The following SERPINB5 variants were observed in gnomAD, a reference collection of about 807,000 sequenced individuals.
SERPINB5 encodes serpin family B member 5, also known as serpin B5.
SERPINB5 carries 27 observed loss-of-function variants against 32.2 expected under a neutral mutation model. That is an observed-to-expected ratio of 0.84 (90% CI 0.62 to 1.16). SERPINB5 has a LOEUF of 1.16. SERPINB5 is among the 50% of genes most tolerant of loss of function. SERPINB5 has a pLI of 0.00. For missense variants in SERPINB5, 388 were observed against 436.3 expected (o/e 0.89, Z 0.99); for synonymous variants, 154 against 157.4 (o/e 0.98, Z 0.16).
intron 3 of SERPINB5, among the ~76,000 whole-genome samples, chr18:63,487,695 T>C (rs564424053): frequency 6.6e-6 from 1 of 152,312 alleles, no homozygotes; most frequent in African/African-American, 2.4e-5. Flanking sequence ...ACCACTACGG[T>C]ACCCATTGTT....
At chr18:63,496,588 G>A (rs797020612) in intron 5 of SERPINB5, among the ~76,000 whole-genome samples, 6 of 152,236 alleles carry the variant, frequency 3.9e-5, no homozygotes, top group African/African-American at 1.4e-4. Context: ...AATAAATAAC[G>A]TTTAGCTCTG....
chr18:63,499,021 A>ATG (rs1357148734), intron 5 of SERPINB5, 99 bp from the exon 6 acceptor site: 206 of 483,184 alleles, frequency 4.3e-4, no homozygotes, highest in Middle Eastern at 1.9e-3. Context: ...GTGGGTATAT[A>ATG]TGTGTGTGTG....
Position 63,498,805 on chromosome 18 carries a change from G to A in SERPINB5, c.568-315G>A, listed in dbSNP as rs1444920085. On this transcript the variant is annotated intron_variant, in intron 5 of 6. Coordinates refer to ENST00000382771, the MANE Select transcript of SERPINB5 (RefSeq NM_002639.5). This position sits in a 1 kb window ranked among gnomAD's most constrained non-coding sequence, Gnocchi z 4.2. ...TGTTTGCCTATATATGTGTATATAT[G>A]TGCATGTGTGTATATATGTATGGGG... Among the ~76,000 whole-genome samples the A allele has an allele frequency of 6.6e-6, 1 of 150,652 alleles. No homozygotes were observed. The highest frequency in any genetic ancestry group is 1.5e-5 in the Non-Finnish European group (1 of 67,754).
chr18:63,488,623 C>T (rs9945867), intron 3 of SERPINB5, among the ~76,000 whole-genome samples: 37 of 152,242 alleles, frequency 2.4e-4, no homozygotes, highest in African/African-American at 8.4e-4. Context: ...AGGGCAAGTT[C>T]TTCAGGCCCT....
Position 63,481,542 on chromosome 18 carries a change from T to G in SERPINB5, c.-7-2880T>G, listed in dbSNP as rs143967753. 7.2e-4 allele frequency among the ~76,000 whole-genome samples: 109 copies of G among 152,368 alleles called. No homozygotes were observed. The East Asian group carries it at 0.011, about 15-fold the overall frequency. On this transcript the variant is annotated intron_variant, in intron 1 of 6. Transcript: ENST00000382771. ...GCGATTAGCTCTCCACTGGTGGAAGTGTTAAGAAGCTTTCAGGGATCTGGG... is the reference window on the plus strand; with the variant it reads ...GCGATTAGCTCTCCACTGGTGGAAGGGTTAAGAAGCTTTCAGGGATCTGGG...
chr18:63,492,597 T>C (rs116045124), intron 4 of SERPINB5, among the ~76,000 whole-genome samples: 1,829 of 152,356 alleles, frequency 0.012, 31 homozygotes, highest in African/African-American at 0.041. Context: ...TTATCATCGC[T>C]GAGTCTCAGC....
chr18:63,489,167 A>G (rs1193157156), intron 3 of SERPINB5, among the ~76,000 whole-genome samples, 180 bp from the exon 4 acceptor site: 1 of 152,258 alleles, frequency 6.6e-6, no homozygotes, highest in Non-Finnish European at 1.5e-5. Flanking sequence ...ATTGAAAAAA[A>G]TGAAACATTC....
At position 63,489,480 on chromosome 18, in the gene SERPINB5, T is replaced by C; in HGVS notation, c.424+16T>C. 2 of 1,437,040 alleles carry C rather than the reference T, an allele frequency of 1.4e-6. No homozygotes were observed. The highest frequency in any genetic ancestry group is 2.0e-6 in the Non-Finnish European group (2 of 1,023,826). The allele number at this position is 1,437,040 out of a possible 1,614,324, so 89.0% of individuals were successfully genotyped here. ...CTCACAGATGGCAAGTACCCTTTAA[T>C]TGTTCTGCTATCAATCACCAAGTAA... On this transcript the variant is annotated intron_variant, in intron 4 of 6. Transcript: ENST00000382771.
intron 5 of SERPINB5, among the ~76,000 whole-genome samples, chr18:63,494,586 ACTTAG>A (rs1909410405): frequency 6.6e-6 from 1 of 152,186 alleles, no homozygotes; most frequent in South Asian, 2.1e-4. Context: ...TAGTTAGAGT[ACTTAG>A]CATCAATATC....
chr18:63,503,488 T>A lies in SERPINB5; in HGVS notation c.894T>A (p.Ser298Arg). 1 of 1,613,916 alleles carries A rather than the reference T, an allele frequency of 6.2e-7. No homozygotes were observed. The highest frequency in any genetic ancestry group is 8.5e-7 in the Non-Finnish European group (1 of 1,179,964). ...LENLGLKHIF[S>R]EDTSDFSGMS... ...ATCTAGGGCTGAAACATATCTTCAG[T>A]GAAGACACATCTGATTTCTCTGGAA... The change falls in exon 7 of 7, where the codon AGT (serine) becomes AGA (arginine). Residue 298 changes from serine to arginine, a missense_variant. Transcript: ENST00000382771.
At chr18:63,497,493 G>C in intron 5 of SERPINB5, 3 of 227,178 alleles carry the variant, frequency 1.3e-5, no homozygotes, top group Admixed American at 6.4e-5. Flanking sequence ...TGAACACAAC[G>C]TTTCTGAAAA....
In SERPINB5 at chr18:63,484,614, G is replaced by C; in HGVS notation, c.168+18G>C. ...TTGGACAGGTAAGCCCCAAAACCTT[G>C]TTTCTACTTTAAGTGGGAATACAGT... On this transcript the variant is annotated intron_variant, in intron 2 of 6. Transcript: ENST00000382771. 1 of 1,604,146 alleles carries C rather than the reference G, an allele frequency of 6.2e-7. No homozygotes were observed. The highest frequency in any genetic ancestry group is 1.1e-5 in the South Asian group (1 of 89,326).
At chr18:63,486,864 G>T in intron 2 of SERPINB5, 82 bp from the exon 3 acceptor site, 1 of 1,449,606 alleles carries the variant, frequency 6.9e-7, no homozygotes, top group Non-Finnish European at 9.5e-7. Flanking sequence ...GCCCAAGGAC[G>T]TTGGTCATTA....
chr18:63,497,499 G>GAAAAAAAAAAAAAAAAAAAAAAAAAAA, intron 5 of SERPINB5: 1 of 217,044 alleles, frequency 4.6e-6, no homozygotes. Flanking sequence ...CAACGTTTCT[G>GAAAAAAAAAAAAAAAAAAAAAAAAAAA]AAAAAAAAAA....
chr18:63,485,652 G>A (rs77096553), intron 2 of SERPINB5: 1,758 of 152,316 alleles, frequency 0.012, 27 homozygotes, highest in Non-Finnish European at 0.016. Context: ...AAAGGCCAGC[G>A]AAAGAGAACT....
intron 5 of SERPINB5, 105 bp from the exon 6 acceptor site, chr18:63,499,015 G>GTATA: frequency 2.2e-6 from 1 of 463,326 alleles, no homozygotes; most frequent in South Asian, 7.0e-5. Flanking sequence ...ATACATGTGG[G>GTATA]TATATATGTG....
At chr18:63,500,679 C>G (rs1909552444) in intron 6 of SERPINB5, among the ~76,000 whole-genome samples, 3 of 152,076 alleles carry the variant, frequency 2.0e-5, no homozygotes, top group African/African-American at 7.2e-5. Flanking sequence ...CATTCTAGCT[C>G]CACCCCGCCT....
At position 63,497,318 on chromosome 18, in the gene SERPINB5, A is replaced by G. The variant is rs545666051; in HGVS notation, c.568-1802A>G. 399 of 1,275,740 alleles carry G rather than the reference A, an allele frequency of 3.1e-4. 1 individual carries two copies. The Middle Eastern group carries it at 3.9e-3, about 13-fold the overall frequency. 79.0% of individuals were successfully genotyped at this position (1,275,740 alleles called of 1,614,324 possible). A position where few individuals can be genotyped will look rare whatever the true frequency, so the allele number is the denominator to read the frequency against. ...TCTCTCAAGCAGCAGCTCTTCTCCT[A>G]TGCGATTCTGGGCTTTGCCCTGTCT... is the stretch of plus-strand genomic sequence containing the variant. On this transcript the variant is annotated intron_variant, in intron 5 of 6. Transcript: ENST00000382771.
At chr18:63,486,744 C>A in intron 2 of SERPINB5, 1 of 453,746 alleles carries the variant, frequency 2.2e-6, no homozygotes, top group Non-Finnish European at 3.9e-6. Flanking sequence ...TGCTGCTAAG[C>A]ATCCTGCAGT....
Sources: gnomAD v4.1 joint callset for allele counts (sites outside exome capture counted in the v4.1 genomes callset) on GRCh38, gnomAD v4.1.1 for gene constraint, Gnocchi (gnomAD v3.1) non-coding constraint, MANE v1.5 for transcripts, NCBI Gene and HGNC (gene_info 2026-07-23, HGNC 2026-07-21) for gene names.